The following DNM3 variants were observed in gnomAD, a reference collection of about 807,000 sequenced individuals.
DNM3 encodes dynamin-3.
Under a neutral mutation model 101.6 loss-of-function variants are expected in DNM3, and 47 were observed. The ratio of observed to expected loss-of-function variants is 0.46; its 90% CI spans 0.37 to 0.59. The LOEUF is 0.59. Ranked by LOEUF, DNM3 falls within the 20% of genes least tolerant of loss-of-function variation. The probability of loss-of-function intolerance (pLI) is 0.00; values close to 1 mark genes in which losing one functional copy is unlikely to be tolerated. For missense variants in DNM3, 849 were observed against 1,085.7 expected, an observed-to-expected ratio of 0.78 and a Z score of 3.06; for synonymous variants, 385 against 387.9, an observed-to-expected ratio of 0.99 and a Z score of 0.09.
chr1:172,270,369 T>C (rs1014483106), intron 15 of DNM3, among the ~76,000 whole-genome samples: 8 of 152,140 alleles, frequency 5.3e-5, no homozygotes, highest in African/African-American at 1.9e-4. Flanking sequence ...TAAACCTGTC[T>C]TTTAAAAATA....
chr1:172,037,845 G>A (rs907284314), intron 6 of DNM3, among the ~76,000 whole-genome samples: 3 of 152,166 alleles, frequency 2.0e-5, no homozygotes, highest in Admixed American at 2.0e-4. Flanking sequence ...CAGCTGACAG[G>A]TGCCTCTAGC....
intron 16 of DNM3, among the ~76,000 whole-genome samples, chr1:172,322,715 C>T (rs914721679): frequency 2.0e-5 from 3 of 152,116 alleles, no homozygotes; most frequent in Admixed American, 6.5e-5. Flanking sequence ...TAAGGCAAAA[C>T]TCATAATTTA....
At chr1:172,021,034 A>G (rs572449399) in intron 4 of DNM3, among the ~76,000 whole-genome samples, 2 of 152,154 alleles carry the variant, frequency 1.3e-5, no homozygotes, top group African/African-American at 4.8e-5. Flanking sequence ...GGGAACAGCT[A>G]ATTGTCTGTG....
chr1:172,249,914 TA>T (rs1286901824), intron 14 of DNM3, among the ~76,000 whole-genome samples: 3 of 152,134 alleles, frequency 2.0e-5, no homozygotes, highest in Admixed American at 6.6e-5. Context: ...AGGGAATAAT[TA>T]TAACAAATAT....
intron 2 of DNM3, among the ~76,000 whole-genome samples, chr1:171,961,122 A>G (rs574865926): frequency 2.8e-4 from 42 of 152,264 alleles, no homozygotes; most frequent in African/African-American, 9.4e-4. Context: ...CAGATTCCTG[A>G]GGTTTACAGC....
intron 13 of DNM3, among the ~76,000 whole-genome samples, chr1:172,113,551 C>T (rs1418793424): frequency 2.4e-5 from 3 of 126,448 alleles, no homozygotes; most frequent in Middle Eastern, 4.9e-3. Context: ...ACCTGGGGGG[C>T]GGAGGTTGCG....
chr1:172,070,142 A>G (rs959011328), intron 11 of DNM3, among the ~76,000 whole-genome samples: 2 of 152,228 alleles, frequency 1.3e-5, no homozygotes, highest in East Asian at 3.8e-4. Context: ...ATCACCATTT[A>G]TAGTTTTCAC....
chr1:172,237,499 A>G (rs961201209), intron 14 of DNM3, among the ~76,000 whole-genome samples: 4 of 152,148 alleles, frequency 2.6e-5, no homozygotes, highest in East Asian at 1.9e-4. Context: ...AGTCAAGGCC[A>G]TTTGTTTGTA....
At chr1:172,348,355 T>G (rs960013264) in intron 17 of DNM3, among the ~76,000 whole-genome samples, 4 of 151,942 alleles carry the variant, frequency 2.6e-5, no homozygotes, top group Non-Finnish European at 5.9e-5. Context: ...ACAAGACACA[T>G]CATAGTGAAA....
chr1:172,087,981 A>G (rs1045367953), intron 12 of DNM3, among the ~76,000 whole-genome samples: 2 of 152,208 alleles, frequency 1.3e-5, no homozygotes, highest in African/African-American at 4.8e-5. Flanking sequence ...GCTTTAACAC[A>G]TGCCTATGAT....
chr1:172,221,121 A>G (rs533239448), intron 14 of DNM3, among the ~76,000 whole-genome samples: 1 of 152,214 alleles, frequency 6.6e-6, no homozygotes, highest in African/African-American at 2.4e-5. Flanking sequence ...GGGAACTCAG[A>G]CGCAGTATTC....
rs185693039 is a variant in DNM3, at chr1:172,294,794, C to T, written c.1770-13934C>T. Among the ~76,000 whole-genome samples the T allele has an allele frequency of 1.2e-3, 184 of 148,964 alleles. 2 individuals are homozygous for T. The highest frequency in any genetic ancestry group is 4.6e-3 in the African/African-American group (182 of 39,710). ...CAGGCTGGGACTGCAAGGCTGTAGT[C>T]CCGGCTACTTGGGAAGCTGAGGTGG... On this transcript the variant is annotated intron_variant, in intron 15 of 20. Coordinates refer to ENST00000627582, the MANE Select transcript of DNM3 (RefSeq NM_015569.5).
chr1:172,124,187 C>T (rs1438077569), intron 13 of DNM3, among the ~76,000 whole-genome samples: 1 of 152,102 alleles, frequency 6.6e-6, no homozygotes. Flanking sequence ...TTGTGAGCCC[C>T]CTCCTCAATG....
At chr1:172,012,050 T>C (rs1223085220) in intron 4 of DNM3, among the ~76,000 whole-genome samples, 1 of 152,086 alleles carries the variant, frequency 6.6e-6, no homozygotes, top group Non-Finnish European at 1.5e-5. Context: ...CATTTAACTT[T>C]GGTATGCCAG....
chr1:172,413,885 A>G (rs540639263), downstream of DNM3, among the ~76,000 whole-genome samples: 1 of 152,344 alleles, frequency 6.6e-6, no homozygotes, highest in South Asian at 2.1e-4. Context: ...TCTTACTGGA[A>G]GAAAGATTCT....
chr1:171,876,942 T>G (rs1488541042), intron 1 of DNM3, among the ~76,000 whole-genome samples: 2 of 152,248 alleles, frequency 1.3e-5, no homozygotes, highest in Non-Finnish European at 2.9e-5. Context: ...TCCTTCTAAT[T>G]CTGGCATGTT....
Position 172,215,638 on chromosome 1 carries a change from G to A in DNM3, c.1660-37935G>A, listed in dbSNP as rs184719002. On this transcript the variant is annotated intron_variant, in intron 14 of 20. Coordinates refer to ENST00000627582, the MANE Select transcript of DNM3 (RefSeq NM_015569.5). ...CAAAAATTGGAAGATAAAAAAATGA[G>A]AGGAATAGCAAAAACAAATTTTTAA... Among the ~76,000 whole-genome samples the A allele has an allele frequency of 2.6e-3, 397 of 152,108 alleles. 2 individuals carry two copies. Among genetic ancestry groups the A allele is most frequent in the African/African-American group, 8.8e-3 (367 of 41,514 alleles).
intron 14 of DNM3, among the ~76,000 whole-genome samples, chr1:172,244,855 G>C (rs905643526): frequency 6.6e-6 from 1 of 152,152 alleles, no homozygotes; most frequent in Admixed American, 6.5e-5. Flanking sequence ...CCATTACTGG[G>C]TATATACCCA....
chr1:171,875,811 C>CTATTTTTT (rs1432820415), intron 1 of DNM3, among the ~76,000 whole-genome samples: 1 of 44,678 alleles, frequency 2.2e-5, no homozygotes, highest in African/African-American at 1.6e-4. Flanking sequence ...AGAGTTGTCT[C>CTATTTTTT]TCTTTTTTTT....
Sources: allele counts gnomAD v4.1 joint callset (sites outside exome capture counted in the v4.1 genomes callset), GRCh38; gene constraint gnomAD v4.1.1; transcripts MANE v1.5; gene names NCBI Gene and HGNC (gene_info 2026-07-23, HGNC 2026-07-21).